Variants in CELF2 observed in about 807,000 individuals in gnomAD.
CELF2 encodes the protein CUGBP Elav-like family member 2, also known as CUG triplet repeat RNA-binding protein 2.
CELF2 carries 8 observed loss-of-function variants against 62.6 expected under a neutral mutation model. That is an observed-to-expected ratio of 0.13 (90% confidence interval 0.07 to 0.23). CELF2 has a LOEUF of 0.23. Among genes scored for constraint, CELF2 ranks in the 10% least tolerant of loss-of-function variants. CELF2 has a pLI of 1.00. For missense variants in CELF2, 333 were observed against 671.0 expected (o/e 0.50, Z 5.56); for synonymous variants, 258 against 250.0 (o/e 1.03, Z -0.30).
intron 1 of CELF2, among the ~76,000 whole-genome samples, chr10:11,147,464 C>T (rs1224610601): frequency 4.6e-5 from 7 of 152,146 alleles, no homozygotes; most frequent in Non-Finnish European, 1.0e-4. Flanking sequence ...AGCTACTTCC[C>T]TCCTTTTTTG....
At chr10:10,550,240 C>G in the CELF2 span, among the ~76,000 whole-genome samples, 4 of 152,162 alleles carry the variant, frequency 2.6e-5, no homozygotes, top group Non-Finnish European at 4.4e-5. Flanking sequence ...AAAATATTCA[C>G]TCTTCTTTAA....
the CELF2 span, among the ~76,000 whole-genome samples, chr10:10,593,935 G>A: frequency 0.24 from 36,738 of 152,028 alleles, 4,958 homozygotes; most frequent in South Asian, 0.51. Flanking sequence ...ATTACATATG[G>A]GGAGGCACAT....
chr10:10,847,226 A>T (rs572931767), intron 1 of CELF2, among the ~76,000 whole-genome samples: 2 of 152,228 alleles, frequency 1.3e-5, no homozygotes, highest in East Asian at 3.9e-4. Flanking sequence ...ATATGCACAC[A>T]CATCTATAAA....
the CELF2 span, among the ~76,000 whole-genome samples, chr10:10,548,154 T>C: frequency 6.6e-6 from 1 of 152,184 alleles, no homozygotes; most frequent in Non-Finnish European, 1.5e-5. Flanking sequence ...GACACATCGT[T>C]TAATCTTTCT....
At chr10:10,715,935 G>A in the CELF2 span, among the ~76,000 whole-genome samples, 3 of 152,172 alleles carry the variant, frequency 2.0e-5, no homozygotes, top group South Asian at 6.2e-4. Flanking sequence ...CTCATTTGGG[G>A]TGACTTGTTC....
At chr10:10,516,040 A>T in the CELF2 span, among the ~76,000 whole-genome samples, 1 of 152,214 alleles carries the variant, frequency 6.6e-6, no homozygotes, top group Non-Finnish European at 1.5e-5. Flanking sequence ...TGGAAAGCAG[A>T]TACTGGACTG....
the CELF2 span, among the ~76,000 whole-genome samples, chr10:10,709,889 G>A: frequency 4.6e-5 from 7 of 152,212 alleles, no homozygotes; most frequent in South Asian, 1.4e-3. Context: ...CGTGGTATGT[G>A]TTTGACCAAC....
intron 1 of CELF2, among the ~76,000 whole-genome samples, chr10:11,044,092 G>A (rs2062362148): frequency 6.6e-6 from 1 of 152,132 alleles, no homozygotes; most frequent in African/African-American, 2.4e-5. Context: ...AATCTACTTA[G>A]TCGCCTCATC....
the CELF2 span, among the ~76,000 whole-genome samples, chr10:10,748,704 T>C: frequency 3.8e-5 from 5 of 133,284 alleles, no homozygotes; most frequent in Non-Finnish European, 6.1e-5. Context: ...GCCGAGGTTG[T>C]GCCACTACAC....
chr10:10,778,817 A>T, the CELF2 span, among the ~76,000 whole-genome samples: 3 of 152,150 alleles, frequency 2.0e-5, no homozygotes, highest in Non-Finnish European at 4.4e-5. Flanking sequence ...CAGTCCAGGT[A>T]CATATATGGT....
chr10:11,249,092 T>A, intron 3 of CELF2, 61 bp from the exon 4 acceptor site: 1 of 1,352,806 alleles, frequency 7.4e-7, no homozygotes. Context: ...TGCTGCAGAT[T>A]TCTGAGATGA....
At chr10:11,062,904 T>C (rs1452369148) in intron 1 of CELF2, among the ~76,000 whole-genome samples, 2 of 148,578 alleles carry the variant, frequency 1.3e-5, no homozygotes, top group Non-Finnish European at 3.0e-5. Flanking sequence ...TTCATGGTTG[T>C]CCTGTTTTAA....
At chr10:10,468,543 T>G in the CELF2 span, among the ~76,000 whole-genome samples, 59 of 152,112 alleles carry the variant, frequency 3.9e-4, no homozygotes, top group African/African-American at 1.4e-3. Flanking sequence ...TGGCACCCAT[T>G]GAGTGGAAAG....
intron 1 of CELF2, among the ~76,000 whole-genome samples, chr10:10,919,328 G>C (rs2064659346): frequency 6.6e-6 from 1 of 151,982 alleles, no homozygotes; most frequent in Non-Finnish European, 1.5e-5. Context: ...GACAAAGTTA[G>C]TTTTGAAATT....
chr10:10,922,542 T>C (rs1205670359), intron 2 of CELF2, among the ~76,000 whole-genome samples: 2 of 152,244 alleles, frequency 1.3e-5, no homozygotes, highest in Non-Finnish European at 2.9e-5. Context: ...CCCGGAATTC[T>C]ATTAAGTAGC....
At chr10:10,932,581 C>A (rs555463653) in intron 2 of CELF2, among the ~76,000 whole-genome samples, 124 of 151,824 alleles carry the variant, frequency 8.2e-4, no homozygotes, top group Admixed American at 2.2e-3. Context: ...ATAAAAGAAC[C>A]AAATGGTTCA....
intron 1 of CELF2, among the ~76,000 whole-genome samples, chr10:11,085,909 C>A (rs767053077): frequency 4.6e-5 from 7 of 152,236 alleles, no homozygotes; most frequent in Non-Finnish European, 1.0e-4. Context: ...CAGACCTTTT[C>A]TGTCAACTCT....
chr10:11,087,831 G>A (rs993624854), intron 1 of CELF2, among the ~76,000 whole-genome samples: 2 of 152,176 alleles, frequency 1.3e-5, no homozygotes, highest in East Asian at 1.9e-4. Context: ...TTTACCTGCG[G>A]TGAAGTAGTT....
At chr10:10,748,196 G>A in the CELF2 span, among the ~76,000 whole-genome samples, 1 of 151,924 alleles carries the variant, frequency 6.6e-6, no homozygotes, top group Non-Finnish European at 1.5e-5. Context: ...ACAACGTGTT[G>A]TATATTTCAA....
Sources: allele counts gnomAD v4.1 joint callset (sites outside exome capture counted in the v4.1 genomes callset), GRCh38; gene constraint gnomAD v4.1.1; transcripts MANE v1.5; gene names NCBI Gene and HGNC (gene_info 2026-07-23, HGNC 2026-07-21).